LOC128462377: variants seen among roughly 807,000 people sequenced by gnomAD.
chr16:89,406,382 G>A, the LOC128462377 span, among the ~76,000 whole-genome samples: 2 of 152,142 alleles, frequency 1.3e-5, no homozygotes, highest in Non-Finnish European at 2.9e-5. Flanking sequence ...TCCTGAGGGC[G>A]ACAAAACACC....
At chr16:89,373,781 A>G in the LOC128462377 span, among the ~76,000 whole-genome samples, 1 of 152,264 alleles carries the variant, frequency 6.6e-6, no homozygotes, top group Admixed American at 6.5e-5. Context: ...CCAAGAACCC[A>G]GCACCCAGGG....
the LOC128462377 span, among the ~76,000 whole-genome samples, chr16:89,386,912 C>T: frequency 6.6e-6 from 1 of 151,714 alleles, no homozygotes; most frequent in Non-Finnish European, 1.5e-5. Context: ...TGCCCCAGCT[C>T]CCCACGCCTC....
chr16:89,318,816 G>T, the LOC128462377 span, among the ~76,000 whole-genome samples: 1 of 152,228 alleles, frequency 6.6e-6, no homozygotes, highest in Non-Finnish European at 1.5e-5. Flanking sequence ...TCGGGTCAAC[G>T]TATTCACTGC....
At chr16:89,334,169 A>AAAAAAAAC in the LOC128462377 span, among the ~76,000 whole-genome samples, 1 of 107,292 alleles carries the variant, frequency 9.3e-6, no homozygotes, top group African/African-American at 3.5e-5. Flanking sequence ...AAAAAAAAAA[A>AAAAAAAAC]AAAACAGAGA....
At chr16:89,335,681 T>G in the LOC128462377 span, among the ~76,000 whole-genome samples, 1 of 152,072 alleles carries the variant, frequency 6.6e-6, no homozygotes, top group Non-Finnish European at 1.5e-5. Context: ...AGCTGAGCCC[T>G]CAGGACACAG....
At chr16:89,396,938 C>T in the LOC128462377 span, among the ~76,000 whole-genome samples, 8 of 127,634 alleles carry the variant, frequency 6.3e-5, no homozygotes, top group South Asian at 2.6e-4. Context: ...CCAGCTGCCT[C>T]GGTTTCCCAG....
chr16:89,342,833 C>T, the LOC128462377 span, among the ~76,000 whole-genome samples: 3 of 152,194 alleles, frequency 2.0e-5, no homozygotes, highest in Non-Finnish European at 4.4e-5. Flanking sequence ...TTTGTTCCCT[C>T]AGAGTGCCTT....
the LOC128462377 span, among the ~76,000 whole-genome samples, chr16:89,382,806 G>C: frequency 2.6e-5 from 4 of 152,104 alleles, no homozygotes; most frequent in African/African-American, 9.7e-5. Context: ...CCACCACCTT[G>C]ACATCATATC....
chr16:89,389,949 G>C, the LOC128462377 span, among the ~76,000 whole-genome samples: 4 of 80,860 alleles, frequency 4.9e-5, no homozygotes, highest in African/African-American at 1.1e-4. Flanking sequence ...GGAGCACCGA[G>C]AGAGAAGATC....
the LOC128462377 span, among the ~76,000 whole-genome samples, chr16:89,368,967 G>A: frequency 6.6e-6 from 1 of 152,090 alleles, no homozygotes; most frequent in Admixed American, 6.5e-5. Context: ...CTTCGTGCTC[G>A]CCTGGAGGGA....
chr16:89,386,965 G>A, the LOC128462377 span, among the ~76,000 whole-genome samples: 1 of 152,144 alleles, frequency 6.6e-6, no homozygotes, highest in South Asian at 2.1e-4. Context: ...AGTGAGGGCA[G>A]GAGGGTGGCC....
the LOC128462377 span, among the ~76,000 whole-genome samples, chr16:89,412,719 C>A: frequency 6.6e-6 from 1 of 152,076 alleles, no homozygotes; most frequent in Non-Finnish European, 1.5e-5. Flanking sequence ...GGAAAAAATT[C>A]CCTTAAGCCA....
the LOC128462377 span, among the ~76,000 whole-genome samples, chr16:89,337,671 A>C: frequency 6.6e-6 from 1 of 151,760 alleles, no homozygotes; most frequent in African/African-American, 2.4e-5. Flanking sequence ...CAATCTCCTG[A>C]CCTCGGGATC....
chr16:89,407,240 C>A, the LOC128462377 span, among the ~76,000 whole-genome samples: 2 of 151,056 alleles, frequency 1.3e-5, no homozygotes, highest in Non-Finnish European at 2.9e-5. Flanking sequence ...TAAGAAGGCA[C>A]ACGAGGAACA....
chr16:89,355,506 ACGTGGCCCCATGTCCGGC>A, the LOC128462377 span, among the ~76,000 whole-genome samples: 3 of 152,184 alleles, frequency 2.0e-5, no homozygotes, highest in East Asian at 5.8e-4. Context: ...TCAGGGGTGA[ACGTGGCCCCATGTCCGGC>A]ACATGCTCTG....
chr16:89,362,894 A>G, the LOC128462377 span, among the ~76,000 whole-genome samples: 6 of 152,026 alleles, frequency 3.9e-5, no homozygotes, highest in Admixed American at 1.3e-4. Context: ...TTGCTAGCCA[A>G]TCGGGACAAA....
the LOC128462377 span, among the ~76,000 whole-genome samples, chr16:89,388,105 G>A: frequency 6.6e-6 from 1 of 151,666 alleles, no homozygotes; most frequent in African/African-American, 2.4e-5. Flanking sequence ...CAGAGTCCCT[G>A]TACAGCCTTA....
the LOC128462377 span, among the ~76,000 whole-genome samples, chr16:89,352,307 G>A: frequency 4.6e-5 from 7 of 151,756 alleles, no homozygotes; most frequent in African/African-American, 1.5e-4. Flanking sequence ...CACGCCACGC[G>A]GTGCAGAGCC....
the LOC128462377 span, chr16:89,340,052 T>C: frequency 1.3e-5 from 2 of 152,234 alleles, no homozygotes; most frequent in Non-Finnish European, 2.9e-5. Context: ...TCCATTCTCC[T>C]GTTGACTAAC....
Sources: allele counts gnomAD v4.1 joint callset (sites outside exome capture counted in the v4.1 genomes callset), GRCh38; gene constraint gnomAD v4.1.1; transcripts MANE v1.5.